Variants in PXDC1 observed in about 807,000 individuals in gnomAD.
The protein encoded by PXDC1 is PX domain-containing protein 1.
PXDC1 carries 13 observed loss-of-function variants against 24.4 expected under a neutral mutation model. That is an observed-to-expected ratio of 0.53 (90% CI 0.35 to 0.85). The LOEUF is 0.85. Among genes scored for constraint, PXDC1 ranks in the 40% least tolerant of loss-of-function variants. PXDC1 has a pLI of 0.01. For synonymous variants in PXDC1, 162 were observed against 124.9 expected, an observed-to-expected ratio of 1.30 and a Z score of -1.98; for missense variants, 344 against 309.3, an observed-to-expected ratio of 1.11 and a Z score of -0.84.
In PXDC1 at chr6:3,737,711, C is replaced by T. The variant is rs2127600235; in HGVS notation, c.348+346G>A. ...TTTCCACGTGTCTGTTCTAAAATCC[C>T]CTCAGCAAGACGGTGGATTCTGAGC... is the stretch of plus-strand genomic sequence containing the variant. On this transcript the variant is annotated intron_variant, in intron 2 of 4. Coordinates refer to ENST00000380283, the MANE Select transcript of PXDC1 (RefSeq NM_183373.4). The surrounding 1 kb of genome is among the most constrained non-coding windows in gnomAD (Gnocchi z 5.5). The T allele has an allele frequency of 2.0e-6, 2 of 985,284 alleles. No homozygotes were observed. Among genetic ancestry groups the T allele is most frequent in the South Asian group, 9.4e-5 (2 of 21,284 alleles). The allele number at this position is 985,284 out of a possible 1,614,324, so 61.0% of individuals were successfully genotyped here.
chr6:3,733,203 G>A (rs1760240185), intron 3 of PXDC1, among the ~76,000 whole-genome samples: 1 of 152,116 alleles, frequency 6.6e-6, no homozygotes, highest in South Asian at 2.1e-4. Flanking sequence ...TGGAGAAAGG[G>A]GGACGCATGA....
In PXDC1 at chr6:3,722,916, ATTCCT is replaced by A. The variant is rs1171352564; in HGVS notation, c.*698_*702del. ...CAGAGACCTGGCAGGCCGGGAAGAA[ATTCCT>A]TTCCTTTGGGAAGAACCACCAACGC... On this transcript the variant is annotated 3_prime_UTR_variant, in exon 5 of 5. Transcript: ENST00000380283. 6.6e-6 allele frequency: 1 copy of A among 152,076 alleles called. No homozygotes were observed. The highest frequency in any genetic ancestry group is 2.4e-5 in the African/African-American group (1 of 41,338). 9.4% of individuals were successfully genotyped at this position (152,076 alleles called of 1,614,324 possible).
chr6:3,737,943 C>G lies in PXDC1; in HGVS notation c.348+114G>C. ...TACTACCAGGGAGGGAACAAAACGG[C>G]TAAGTGAGACAGAGCAAGCAAGTCA... is the stretch of plus-strand genomic sequence containing the variant. On this transcript the variant is annotated intron_variant, in intron 2 of 4. Transcript: ENST00000380283. This position sits in a 1 kb window ranked among gnomAD's most constrained non-coding sequence, Gnocchi z 5.5. 1.1e-6 allele frequency: 1 copy of G among 893,240 alleles called. No individual in the cohort carries two copies. The highest frequency in any genetic ancestry group is 1.8e-6 in the Non-Finnish European group (1 of 562,252). The allele number at this position is 893,240 out of a possible 1,614,324, so 55.3% of individuals were successfully genotyped here.
chr6:3,737,981 G>T lies in PXDC1; in HGVS notation c.348+76C>A. The T allele has an allele frequency of 1.7e-6, 2 of 1,208,640 alleles. No homozygotes were observed. Among genetic ancestry groups the T allele is most frequent in the African/African-American group, 1.5e-5 (1 of 66,430 alleles). The allele number at this position is 1,208,640 out of a possible 1,614,324, so 74.9% of individuals were successfully genotyped here. On this transcript the variant is annotated intron_variant, in intron 2 of 4. Coordinates refer to ENST00000380283, the MANE Select transcript of PXDC1 (RefSeq NM_183373.4). The surrounding 1 kb of genome is among the most constrained non-coding windows in gnomAD (Gnocchi z 5.5). ...AGCAAGCAAGTCAACCCTCCGGGGG[G>T]ATGGACGCCTTTCGCATTTGGGAGG...
chr6:3,751,576 G>A lies in PXDC1; in HGVS notation c.-45C>T. ...CAAGGGCTCCCCAGCCCCGCCGCCC[G>A]CCCGCCCGCAGGAGGCGCGCCCCGG... On this transcript the variant is annotated 5_prime_UTR_variant, in exon 1 of 5. Coordinates refer to ENST00000380283, the MANE Select transcript of PXDC1 (RefSeq NM_183373.4). 2.7e-6 allele frequency: 4 copies of A among 1,459,388 alleles called. No individual in the cohort carries two copies. Among genetic ancestry groups the A allele is most frequent in the African/African-American group, 1.5e-5 (1 of 67,732 alleles). 90.4% of individuals were successfully genotyped at this position (1,459,388 alleles called of 1,614,324 possible).
chr6:3,724,073 C>T lies in PXDC1; in HGVS notation c.579-337G>A, dbSNP rs1186678609. ...GTGAACAAGGCAGGCAGGGTCTGTCCTCAGGGAAGAGGCGCCTGCCTCGTG... is the reference window on the plus strand; with the variant it reads ...GTGAACAAGGCAGGCAGGGTCTGTCTTCAGGGAAGAGGCGCCTGCCTCGTG... On this transcript the variant is annotated intron_variant, in intron 4 of 4. Coordinates refer to ENST00000380283, the MANE Select transcript of PXDC1 (RefSeq NM_183373.4). The surrounding 1 kb of genome is among the most constrained non-coding windows in gnomAD (Gnocchi z 4.5). Among the ~76,000 whole-genome samples, 1 of 152,176 alleles carries T rather than the reference C, an allele frequency of 6.6e-6. No homozygotes were observed. The highest frequency in any genetic ancestry group is 1.5e-5 in the Non-Finnish European group (1 of 68,024).
intron 1 of PXDC1, 130 bp downstream of exon 1, chr6:3,751,146 C>G: frequency 1.4e-6 from 1 of 719,290 alleles, no homozygotes; most frequent in East Asian, 3.4e-5. Flanking sequence ...GGCGCGGGGT[C>G]CAAGTGTCCC....
chr6:3,736,464 G>A (rs763780710), intron 3 of PXDC1, among the ~76,000 whole-genome samples: 3 of 152,112 alleles, frequency 2.0e-5, no homozygotes, highest in Non-Finnish European at 4.4e-5. Context: ...CAGTCCTAGA[G>A]ACTCCCAGGA....
At chr6:3,738,236 G>A (rs535725719) in intron 1 of PXDC1, 88 bp from the exon 2 acceptor site, 11 of 963,966 alleles carry the variant, frequency 1.1e-5, no homozygotes, top group South Asian at 5.3e-5. Flanking sequence ...CCCACAAACC[G>A]CCAGGGTCGT....
At chr6:3,745,904 G>T (rs12526499) in intron 1 of PXDC1, among the ~76,000 whole-genome samples, 5,053 of 152,268 alleles carry the variant, frequency 0.033, 293 homozygotes, top group African/African-American at 0.12. Context: ...CCTTGCAGGT[G>T]TAAGTTGGCA....
intron 1 of PXDC1, among the ~76,000 whole-genome samples, chr6:3,741,795 A>G (rs973346202): frequency 6.6e-6 from 1 of 152,218 alleles, no homozygotes; most frequent in Non-Finnish European, 1.5e-5. Context: ...GCAAGAGACT[A>G]CAGACAGCCT....
chr6:3,731,489 T>C (rs192021), intron 3 of PXDC1, among the ~76,000 whole-genome samples: 20,307 of 152,248 alleles, frequency 0.13, 2,172 homozygotes, highest in African/African-American at 0.25. Context: ...CATGAAATAG[T>C]TGACTTTCAA....
At chr6:3,750,843 G>C (rs1295175284) in intron 1 of PXDC1, among the ~76,000 whole-genome samples, 1 of 152,128 alleles carries the variant, frequency 6.6e-6, no homozygotes, top group Admixed American at 6.5e-5. Context: ...CGCGACCCCC[G>C]GCTCGGACCC....
chr6:3,734,429 T>C (rs1328577223), intron 3 of PXDC1, among the ~76,000 whole-genome samples: 2 of 152,148 alleles, frequency 1.3e-5, no homozygotes, highest in African/African-American at 4.8e-5. Flanking sequence ...ACAGAGACAC[T>C]GGTGCTAGGA....
In PXDC1 at chr6:3,751,604, G is replaced by A. The variant is rs1760727668; in HGVS notation, c.-73C>T. 2.1e-6 allele frequency: 3 copies of A among 1,420,848 alleles called. No individual in the cohort carries two copies. The highest frequency in any genetic ancestry group is 5.9e-5 in the Admixed American group (2 of 34,064). The allele number at this position is 1,420,848 out of a possible 1,614,324, so 88.0% of individuals were successfully genotyped here. A position where few individuals can be genotyped will look rare whatever the true frequency, so the allele number is the denominator to read the frequency against. On this transcript the variant is annotated 5_prime_UTR_variant, in exon 1 of 5. Transcript: ENST00000380283. ...CGCCCGCAGGAGGCGCGCCCCGGCC[G>A]GGGTCGTCCCGGGTCTGTCCGTGGC...
chr6:3,741,418 A>T (rs955246355), intron 1 of PXDC1, among the ~76,000 whole-genome samples: 4 of 152,196 alleles, frequency 2.6e-5, no homozygotes, highest in African/African-American at 9.6e-5. Flanking sequence ...GACGGTGCTT[A>T]TTTTTTAAGC....
chr6:3,736,380 T>C (rs1165193187), intron 3 of PXDC1, among the ~76,000 whole-genome samples: 1 of 152,144 alleles, frequency 6.6e-6, no homozygotes, highest in Non-Finnish European at 1.5e-5. Context: ...CTTCCCTCCC[T>C]GTCCACCAGG....
intron 4 of PXDC1, among the ~76,000 whole-genome samples, chr6:3,726,967 CAG>C (rs1561730604): frequency 6.6e-6 from 1 of 152,218 alleles, no homozygotes; most frequent in East Asian, 1.9e-4. Context: ...TGTCAGGAAA[CAG>C]AGGCCAAGCT....
At position 3,751,464 on chromosome 6, in the gene PXDC1, C is replaced by T. The variant is rs1760718002; in HGVS notation, c.68G>A (p.Gly23Asp). 6.2e-7 allele frequency: 1 copy of T among 1,603,280 alleles called. No individual in the cohort carries two copies. Among genetic ancestry groups the T allele is most frequent in the Non-Finnish European group, 8.5e-7 (1 of 1,176,304 alleles). Residue 23 changes from glycine (G) to aspartate (D), a missense_variant, in exon 1 of 5, where the codon GGC becomes GAC. Transcript: ENST00000380283. ...NMFVRGCWVN[G>D]IRRLIVSRRG... ...CCGGCTGACGATGAGCCTGCGGATG[C>T]CGTTCACCCAGCAGCCGCGCACGAA...
Sources: allele counts gnomAD v4.1 joint callset (sites outside exome capture counted in the v4.1 genomes callset), GRCh38; gene constraint gnomAD v4.1.1; non-coding constraint Gnocchi (gnomAD v3.1); transcripts MANE v1.5; gene names NCBI Gene and HGNC (gene_info 2026-07-23, HGNC 2026-07-21).